GSS: variants seen among roughly 807,000 people sequenced by gnomAD.
GSS encodes glutathione synthetase.
A neutral mutation model predicts 60.4 loss-of-function variants in GSS; 34 were observed. The ratio of observed to expected loss-of-function variants is 0.56; its 90% CI spans 0.43 to 0.75. The LOEUF (loss-of-function observed/expected upper bound fraction) is 0.75, where lower values mean the gene tolerates loss of function less well. Among genes scored for constraint, GSS ranks in the 30% least tolerant of loss-of-function variants. GSS has a pLI of 0.00. For missense variants in GSS, 499 were observed against 595.1 expected (o/e 0.84, Z 1.68); for synonymous variants, 224 against 239.0 (o/e 0.94, Z 0.58).
At chr20:34,945,744 G>A (rs543500806) in intron 3 of GSS, among the ~76,000 whole-genome samples, 84 of 152,278 alleles carry the variant, frequency 5.5e-4, no homozygotes, top group African/African-American at 1.9e-3. Flanking sequence ...GCCCAGAGAA[G>A]GAAAGGGAGT....
chr20:34,946,069 G>A lies in GSS; in HGVS notation c.159C>T (p.Phe53=). ...GCAGGGCACTGGGGACCAGTGAGGG[G>A]AAGAGCGTGAATGGGGCATAGCTCA... is the stretch of plus-strand genomic sequence containing the variant. ...EVVSYAPFTL[F]PSLVPSALLE... is the part of the protein sequence containing the mutation. The change falls in exon 3 of 13, where the codon TTC becomes TTT. Residue 53 remains phenylalanine, a synonymous_variant. Transcript: ENST00000651619. 2 of 1,613,676 alleles carry A rather than the reference G, an allele frequency of 1.2e-6. No homozygotes were observed. Among genetic ancestry groups the A allele is most frequent in the Non-Finnish European group, 8.5e-7 (1 of 1,179,654 alleles).
intron 11 of GSS, among the ~76,000 whole-genome samples, chr20:34,929,797 G>C (rs527442365): frequency 6.6e-6 from 1 of 151,946 alleles, no homozygotes; most frequent in Non-Finnish European, 1.5e-5. Context: ...CCACTACACT[G>C]TTCTGCCCTG....
intron 6 of GSS, 70 bp from the exon 7 acceptor site, chr20:34,937,093 C>G (rs1203392932): frequency 2.1e-6 from 2 of 974,696 alleles, no homozygotes; most frequent in African/African-American, 3.2e-5. Flanking sequence ...CCCCTCAACC[C>G]CCATACCGCC....
At chr20:34,944,141 G>C (rs2036942078) in intron 3 of GSS, among the ~76,000 whole-genome samples, 1 of 152,156 alleles carries the variant, frequency 6.6e-6, no homozygotes, top group African/African-American at 2.4e-5. Flanking sequence ...TCCCAGCTGG[G>C]CTTCAGCCTC....
intron 3 of GSS, 119 bp downstream of exon 3, chr20:34,945,834 G>A (rs1013809062): frequency 1.9e-6 from 2 of 1,073,834 alleles, no homozygotes; most frequent in East Asian, 4.8e-5. Flanking sequence ...TTGTTCTTTG[G>A]AGGTACCTTT....
rs2081380685 is a variant in GSS, at chr20:34,929,392, T to C, written c.1301+9A>G. On this transcript the variant is annotated intron_variant, in intron 12 of 12. Coordinates refer to ENST00000651619, the MANE Select transcript of GSS (RefSeq NM_000178.4). ...AGGTAGTGGAAAGAGCTTCTCCTGA[T>C]TGGCTCACCTGACATAGACCCCAAA... The C allele has an allele frequency of 1.2e-6, 2 of 1,612,086 alleles. No individual in the cohort carries two copies. The highest frequency in any genetic ancestry group is 2.2e-5 in the East Asian group (1 of 44,878).
chr20:34,932,666 C>G (rs945406882), intron 9 of GSS, among the ~76,000 whole-genome samples: 1 of 152,176 alleles, frequency 6.6e-6, no homozygotes, highest in African/African-American at 2.4e-5. Context: ...CTCAATGTCA[C>G]CTTTTCAGAG....
At position 34,942,539 on chromosome 20, in the gene GSS, G is replaced by GTGTTGATT; in HGVS notation, c.432_439dup (p.Thr147LysfsTer27). 1 of 1,614,092 alleles carries GTGTTGATT rather than the reference G, an allele frequency of 6.2e-7. No homozygotes were observed. Among genetic ancestry groups the GTGTTGATT allele is most frequent in the Non-Finnish European group, 8.5e-7 (1 of 1,179,942 alleles). On this transcript the variant is annotated frameshift_variant, in exon 5 of 13. Coordinates refer to ENST00000651619, the MANE Select transcript of GSS (RefSeq NM_000178.4). LOFTEE classifies it high-confidence loss of function. ...CAGGCCCCCAAAGCTGGCAGAGATGGTGTTGATTTCGATCTGTTTCAGGGC... is the reference window on the plus strand; with the variant it reads ...CAGGCCCCCAAAGCTGGCAGAGATGGTGTTGATTTGTTGATTTCGATCTGTTTCAGGGC...
intron 9 of GSS, among the ~76,000 whole-genome samples, chr20:34,932,620 A>T (rs2081410779): frequency 6.6e-6 from 1 of 152,042 alleles, no homozygotes; most frequent in Admixed American, 6.6e-5. Flanking sequence ...GGCTTTTCCC[A>T]TGCATAGCTG....
At chr20:34,935,674 T>C (rs992590485) in intron 8 of GSS, 32 bp from the exon 9 acceptor site, 2 of 1,524,688 alleles carry the variant, frequency 1.3e-6, no homozygotes, top group African/African-American at 2.7e-5. Flanking sequence ...GCTGCTGTGT[T>C]AAATTATAAC....
chr20:34,944,122 G>A (rs1022848279), intron 3 of GSS, among the ~76,000 whole-genome samples: 2 of 152,218 alleles, frequency 1.3e-5, no homozygotes, highest in African/African-American at 2.4e-5. Context: ...CCCTTGGTTA[G>A]GAGGAGAGTC....
At chr20:34,949,378 T>C (rs1215561341) in intron 2 of GSS, 1 of 150,850 alleles carries the variant, frequency 6.6e-6, no homozygotes, top group African/African-American at 2.4e-5. Context: ...TCTTTCCCAC[T>C]ATATCCACTT....
intron 2 of GSS, 147 bp from the exon 3 acceptor site, chr20:34,946,245 G>C (rs767511111): frequency 1.7e-4 from 105 of 611,350 alleles, no homozygotes; most frequent in Middle Eastern, 3.2e-4. Context: ...AGAGTGGAAG[G>C]GGGAGAGTGG....
At chr20:34,953,916 T>C in intron 1 of GSS, among the ~76,000 whole-genome samples, 1 of 152,176 alleles carries the variant, frequency 6.6e-6, no homozygotes, top group East Asian at 1.9e-4. Context: ...CGACTTCCCT[T>C]TCAAGTAAGA....
intron 9 of GSS, among the ~76,000 whole-genome samples, chr20:34,932,911 T>C (rs1394833672): frequency 6.6e-6 from 1 of 152,070 alleles, no homozygotes; most frequent in African/African-American, 2.4e-5. Flanking sequence ...AACAGCGCAA[T>C]CTTGGCTCAC....
chr20:34,942,507 G>A lies in GSS; in HGVS notation c.472C>T (p.Arg158Trp), dbSNP rs761900749. 43 of 1,613,664 alleles carry A rather than the reference G, an allele frequency of 2.7e-5. No homozygotes were observed. Among genetic ancestry groups the A allele is most frequent in the South Asian group, 8.8e-5 (8 of 91,078 alleles). ...ACCCACCGGTGCACAGCTGGGGTCC[G>A]GGAGGCCAGGCCCCCAAAGCTGGCA... ...ISASFGGLAS[R>W]TPAVHRHVLS... The change falls in exon 5 of 13, where the codon CGG (arginine) becomes TGG (tryptophan). Residue 158 changes from arginine to tryptophan, a missense_variant. Transcript: ENST00000651619.
At chr20:34,940,263 C>T (rs1259601108) in intron 6 of GSS, among the ~76,000 whole-genome samples, 1 of 152,184 alleles carries the variant, frequency 6.6e-6, no homozygotes, top group Non-Finnish European at 1.5e-5. Flanking sequence ...TTTCTGTCCA[C>T]GTTACTGACA....
At chr20:34,952,220 A>T (rs768532375) in intron 1 of GSS, 1 of 345,214 alleles carries the variant, frequency 2.9e-6, no homozygotes, top group Non-Finnish European at 5.6e-6. Context: ...AAGGCTCTTC[A>T]TTGGAGAAAG....
At chr20:34,952,042 T>C in intron 1 of GSS, 182 bp from the exon 2 acceptor site, 1 of 652,600 alleles carries the variant, frequency 1.5e-6, no homozygotes, top group South Asian at 1.6e-5. Flanking sequence ...GTGCACAAAA[T>C]AGAAAGCTTG....
Sources: gnomAD v4.1 joint callset for allele counts (sites outside exome capture counted in the v4.1 genomes callset) on GRCh38, gnomAD v4.1.1 for gene constraint, MANE v1.5 for transcripts, NCBI Gene and HGNC (gene_info 2026-07-23, HGNC 2026-07-21) for gene names.